The following HCFC2 variants were observed in gnomAD, a reference collection of about 807,000 sequenced individuals.
HCFC2 encodes host cell factor 2.
HCFC2 carries 18 observed loss-of-function variants against 89.2 expected under a neutral mutation model. The observed-to-expected ratio is 0.20, with a 90% CI of 0.14 to 0.30. HCFC2 has a LOEUF of 0.30. Among genes scored for constraint, HCFC2 ranks in the 10% least tolerant of loss-of-function variants. HCFC2 has a pLI of 1.00. For synonymous variants in HCFC2, 308 were observed against 335.7 expected, an observed-to-expected ratio of 0.92 and a Z score of 0.90; for missense variants, 578 against 956.1, an observed-to-expected ratio of 0.60 and a Z score of 5.21.
intron 13 of HCFC2, among the ~76,000 whole-genome samples, 157 bp from the exon 14 acceptor site, chr12:104,101,811 A>G (rs993227122): frequency 6.6e-6 from 1 of 152,220 alleles, no homozygotes; most frequent in African/African-American, 2.4e-5. Context: ...TGGAGGGTTC[A>G]TTCCATGTGA....
chr12:104,066,330 T>C lies in HCFC2; in HGVS notation c.312+15T>C, dbSNP rs764303113. On this transcript the variant is annotated intron_variant, in intron 2 of 14. Transcript: ENST00000229330. ...ATGAGTTACAAGTAAGTGTATTTAATATTGTTTCATTCTGAGGCTTTAATA... is the reference window on the plus strand; with the variant it reads ...ATGAGTTACAAGTAAGTGTATTTAACATTGTTTCATTCTGAGGCTTTAATA... 23 of 1,551,406 alleles carry C rather than the reference T, an allele frequency of 1.5e-5. No individual in the cohort carries two copies. In the South Asian group the frequency reaches 2.7e-4, roughly 18 times the overall value.
chr12:104,066,038 A>G, intron 1 of HCFC2, 129 bp from the exon 2 acceptor site: 1 of 878,714 alleles, frequency 1.1e-6, no homozygotes, highest in Non-Finnish European at 1.8e-6. Context: ...ACCAGACATT[A>G]CCAAATGTCT....
intron 3 of HCFC2, among the ~76,000 whole-genome samples, chr12:104,077,554 T>A (rs1371851006): frequency 6.6e-6 from 1 of 151,622 alleles, no homozygotes; most frequent in Admixed American, 6.6e-5. Context: ...TGGCCTGTTT[T>A]TTTTTTTTTT....
rs770980433 is a variant in HCFC2, at chr12:104,103,634, A to G, written c.*361A>G. ...TTCTGGTAACTGGCTGTTGTATACT[A>G]TGCTGTCTTATATAGTAAATGTTCT... On this transcript the variant is annotated 3_prime_UTR_variant, in exon 15 of 15. Transcript: ENST00000229330. 4.6e-6 allele frequency: 1 copy of G among 215,882 alleles called. No homozygotes were observed. The highest frequency in any genetic ancestry group is 9.3e-6 in the Non-Finnish European group (1 of 107,640). 13.4% of individuals were successfully genotyped at this position (215,882 alleles called of 1,614,324 possible). A position where few individuals can be genotyped will look rare whatever the true frequency, so the allele number is the denominator to read the frequency against.
At chr12:104,065,701 A>T (rs1318891798) in intron 1 of HCFC2, among the ~76,000 whole-genome samples, 1 of 152,162 alleles carries the variant, frequency 6.6e-6, no homozygotes. Flanking sequence ...TGGCTTTGGA[A>T]CAAATTAGAC....
At chr12:104,096,457 T>C (rs1288196255) in intron 12 of HCFC2, 24 bp downstream of exon 12, 1 of 1,534,608 alleles carries the variant, frequency 6.5e-7, no homozygotes, top group Non-Finnish European at 9.0e-7. Context: ...CTGGTGATGA[T>C]GCATGTTTAC....
intron 2 of HCFC2, among the ~76,000 whole-genome samples, chr12:104,066,976 C>T (rs751791064): frequency 1.2e-4 from 18 of 152,264 alleles, no homozygotes; most frequent in South Asian, 8.3e-4. Flanking sequence ...TTAGTAGAGA[C>T]GGGTTTTCAC....
At chr12:104,090,952 G>A (rs1884006778) in intron 9 of HCFC2, 1 of 152,174 alleles carries the variant, frequency 6.6e-6, no homozygotes, top group Non-Finnish European at 1.5e-5. Flanking sequence ...GTAAGTATCA[G>A]TGGGTCTTTT....
At position 104,103,486 on chromosome 12, in the gene HCFC2, T is replaced by G. The variant is rs1343840822; in HGVS notation, c.*213T>G. The G allele has an allele frequency of 4.7e-5, 24 of 509,442 alleles. No individual in the cohort carries two copies. The highest frequency in any genetic ancestry group is 7.6e-5 in the Non-Finnish European group (22 of 289,100). 31.6% of individuals were successfully genotyped at this position (509,442 alleles called of 1,614,324 possible). On this transcript the variant is annotated 3_prime_UTR_variant, in exon 15 of 15. Transcript: ENST00000229330. The stretch of plus-strand genomic sequence containing the variant: ...TGAAAATTAGTATATGAGTTCTTCC[T>G]TACAGATATAGCTCTTTTATAAAGA...
At chr12:104,074,288 G>A (rs1262048983) in intron 3 of HCFC2, among the ~76,000 whole-genome samples, 1 of 152,036 alleles carries the variant, frequency 6.6e-6, no homozygotes, top group African/African-American at 2.4e-5. Flanking sequence ...GACCACAGGT[G>A]TATGCCACCA....
intron 3 of HCFC2, among the ~76,000 whole-genome samples, chr12:104,073,371 G>A (rs1883396501): frequency 6.6e-6 from 1 of 151,328 alleles, no homozygotes; most frequent in South Asian, 2.1e-4. Flanking sequence ...CACTTTGTTG[G>A]CCAGGCTGGT....
rs1244003271 is a variant in HCFC2, at chr12:104,082,853, G to A, written c.1015G>A (p.Ala339Thr). The part of the protein sequence containing the change: ...FWSGRDGYKK[A>T]LNSQVCCKDL... ...GAGTGGAAGAGATGGCTACAAAAAAGCACTGAATAGTCAAGTTTGCTGCAA... is the reference window on the plus strand; with the variant it reads ...GAGTGGAAGAGATGGCTACAAAAAAACACTGAATAGTCAAGTTTGCTGCAA... The change falls in exon 7 of 15, where the codon GCA (alanine) becomes ACA (threonine). Residue 339 changes from alanine (A) to threonine (T), a missense_variant. This residue lies in a region of HCFC2 where 206 missense variants were observed against 419.2 expected (regional missense o/e 0.49). Transcript: ENST00000229330. 3.1e-6 allele frequency: 5 copies of A among 1,612,916 alleles called. No individual in the cohort carries two copies. Among genetic ancestry groups the A allele is most frequent in the Non-Finnish European group, 4.2e-6 (5 of 1,179,702 alleles).
intron 13 of HCFC2, 90 bp from the exon 14 acceptor site, chr12:104,101,877 GT>G (rs1565817017): frequency 2.6e-6 from 2 of 774,650 alleles, no homozygotes; most frequent in East Asian, 2.9e-5. Flanking sequence ...TTCTTTAAAA[GT>G]TTTTTTGTTT....
intron 5 of HCFC2, among the ~76,000 whole-genome samples, chr12:104,081,418 A>G (rs188184929): frequency 2.9e-4 from 44 of 152,346 alleles, no homozygotes; most frequent in Non-Finnish European, 5.9e-4. Context: ...AGTTTCTGGT[A>G]TGAAGTGAGC....
At chr12:104,070,503 G>A (rs1038039281) in intron 3 of HCFC2, among the ~76,000 whole-genome samples, 1 of 152,110 alleles carries the variant, frequency 6.6e-6, no homozygotes, top group Non-Finnish European at 1.5e-5. Context: ...AATAATCTAA[G>A]CCTGTTTCCT....
Position 104,066,333 on chromosome 12 carries a change from T to A in HCFC2, c.312+18T>A. ...AGTTACAAGTAAGTGTATTTAATAT[T>A]GTTTCATTCTGAGGCTTTAATAATG... On this transcript the variant is annotated intron_variant, in intron 2 of 14. Coordinates refer to ENST00000229330, the MANE Select transcript of HCFC2 (RefSeq NM_013320.3). 4 of 1,536,586 alleles carry A rather than the reference T, an allele frequency of 2.6e-6. No individual in the cohort carries two copies. Among genetic ancestry groups the A allele is most frequent in the Non-Finnish European group, 3.5e-6 (4 of 1,138,058 alleles).
chr12:104,068,186 T>C lies in HCFC2; in HGVS notation c.473+79T>C. ...TTTTATTTTTTCCATCTTTAATTTT[T>C]AAAAGGGATGATGCTTAGCTTTTTG... On this transcript the variant is annotated intron_variant, in intron 3 of 14. Transcript: ENST00000229330. This position sits in a 1 kb window ranked among gnomAD's most constrained non-coding sequence, Gnocchi z 4.1. 1 of 1,258,000 alleles carries C rather than the reference T, an allele frequency of 7.9e-7. No homozygotes were observed. The highest frequency in any genetic ancestry group is 1.1e-6 in the Non-Finnish European group (1 of 925,312). The allele number at this position is 1,258,000 out of a possible 1,614,324, so 77.9% of individuals were successfully genotyped here. A position where few individuals can be genotyped will look rare whatever the true frequency, so the allele number is the denominator to read the frequency against.
intron 2 of HCFC2, 54 bp from the exon 3 acceptor site, chr12:104,067,893 T>G (rs181555169): frequency 2.7e-6 from 4 of 1,507,564 alleles, no homozygotes; most frequent in Admixed American, 4.5e-5. Context: ...ATTGACAATA[T>G]AGGAGTGCTT....
intron 1 of HCFC2, among the ~76,000 whole-genome samples, chr12:104,065,620 T>TCTC (rs541663212): frequency 6.6e-6 from 1 of 152,084 alleles, no homozygotes; most frequent in Non-Finnish European, 1.5e-5. Flanking sequence ...TTTTTCACCC[T>TCTC]CTCCTCCTCC....
Sources: allele counts gnomAD v4.1 joint callset (sites outside exome capture counted in the v4.1 genomes callset), GRCh38; gene constraint gnomAD v4.1.1; regional missense constraint gnomAD v4.1.1; non-coding constraint Gnocchi (gnomAD v3.1); transcripts MANE v1.5; gene names NCBI Gene and HGNC (gene_info 2026-07-23, HGNC 2026-07-21).